The following RBFOX1 variants were observed in gnomAD, a reference collection of about 807,000 sequenced individuals.
RBFOX1 encodes RNA binding protein fox-1 homolog 1.
RBFOX1 carries 8 observed loss-of-function variants against 57.7 expected under a neutral mutation model. The ratio of observed to expected loss-of-function variants is 0.14; its 90% confidence interval spans 0.08 to 0.25. The LOEUF (loss-of-function observed/expected upper bound fraction) is 0.25, where lower values mean the gene tolerates loss of function less well. RBFOX1 is among the 10% of genes least tolerant of loss of function. RBFOX1 has a pLI of 1.00. For missense variants in RBFOX1, 611 were observed against 548.5 expected (o/e 1.11, Z -1.14); for synonymous variants, 326 against 222.4 (o/e 1.47, Z -4.15).
chr16:6,568,406 C>T (rs1444876083), intron 2 of RBFOX1, among the ~76,000 whole-genome samples: 1 of 152,082 alleles, frequency 6.6e-6, no homozygotes, highest in Non-Finnish European at 1.5e-5. Context: ...GGCTCTCTAC[C>T]AAATTGAGTT....
At chr16:5,549,737 T>C (rs1385489248) in intron 2 of RBFOX1, among the ~76,000 whole-genome samples, 3 of 152,166 alleles carry the variant, frequency 2.0e-5, no homozygotes, top group Non-Finnish European at 2.9e-5. Flanking sequence ...GAAATGCATA[T>C]ATAGTAAAAT....
intron 2 of RBFOX1, among the ~76,000 whole-genome samples, chr16:6,538,676 G>C (rs1490143627): frequency 1.3e-5 from 2 of 152,218 alleles, no homozygotes; most frequent in South Asian, 2.1e-4. Context: ...GTAGAAAACG[G>C]TTTGGGAGTT....
chr16:5,643,311 G>C (rs1412686901), intron 3 of RBFOX1, among the ~76,000 whole-genome samples: 1 of 152,078 alleles, frequency 6.6e-6, no homozygotes, highest in Non-Finnish European at 1.5e-5. Context: ...CGTTTTTTTA[G>C]GGTGTGGCTG....
chr16:5,576,029 C>T (rs1007890835), intron 2 of RBFOX1, among the ~76,000 whole-genome samples: 1 of 152,030 alleles, frequency 6.6e-6, no homozygotes. Flanking sequence ...CTCTGTCACC[C>T]AGGCTGGAGT....
chr16:7,035,177 C>A (rs887591244), intron 3 of RBFOX1, among the ~76,000 whole-genome samples: 1 of 151,890 alleles, frequency 6.6e-6, no homozygotes, highest in Non-Finnish European at 1.5e-5. Context: ...AATGAGTTTC[C>A]AGGTGATGCC....
rs76130723 is a variant in RBFOX1 at position 5,759,086 on chromosome 16, A to G, written c.319-108217A>G. Among the ~76,000 whole-genome samples the G allele has an allele frequency of 3.2e-3, 486 of 152,292 alleles. 4 individuals carry two copies. The highest frequency in any genetic ancestry group is 0.017 in the Middle Eastern group (5 of 294). ...TCCATAAAATGGGGAGGCTACTAGT[A>G]TATACTTCTCTGAAGAACATGCTTC... On this transcript the variant is annotated intron_variant, in intron 3 of 19. Coordinates refer to the RBFOX1 transcript ENST00000641259.
At chr16:5,255,084 C>G (rs2062550515) in intron 1 of RBFOX1, among the ~76,000 whole-genome samples, 2 of 152,114 alleles carry the variant, frequency 1.3e-5, no homozygotes, top group African/African-American at 4.8e-5. Flanking sequence ...TTAGTTATAG[C>G]TGTAATTTGC....
At chr16:5,772,690 T>C (rs747958224) in intron 3 of RBFOX1, among the ~76,000 whole-genome samples, 33 of 152,194 alleles carry the variant, frequency 2.2e-4, no homozygotes, top group Admixed American at 5.2e-4. Context: ...AACGATAGTT[T>C]GGACCAAGGA....
intron 2 of RBFOX1, among the ~76,000 whole-genome samples, chr16:6,323,126 G>T (rs1355768773): frequency 6.6e-6 from 1 of 152,158 alleles, no homozygotes; most frequent in Non-Finnish European, 1.5e-5. Flanking sequence ...AGAAAGAGAA[G>T]GCAGAGAGAG....
At chr16:6,482,672 A>C (rs62016770) in intron 2 of RBFOX1, among the ~76,000 whole-genome samples, 21,702 of 152,186 alleles carry the variant, frequency 0.14, 1,832 homozygotes, top group Middle Eastern at 0.2. Flanking sequence ...GAGATCCTAA[A>C]GCTTCGCTCC....
intron 3 of RBFOX1, among the ~76,000 whole-genome samples, chr16:6,863,304 A>G (rs1603633771): frequency 6.6e-6 from 1 of 152,274 alleles, no homozygotes; most frequent in South Asian, 2.1e-4. Flanking sequence ...GATTAGCAGC[A>G]AATGGTCAAG....
intron 2 of RBFOX1, among the ~76,000 whole-genome samples, chr16:5,587,995 G>T (rs961885356): frequency 2.0e-5 from 3 of 152,094 alleles, no homozygotes; most frequent in Non-Finnish European, 4.4e-5. Flanking sequence ...AACAAAGGTG[G>T]TCTCTCTATG....
intron 3 of RBFOX1, among the ~76,000 whole-genome samples, chr16:6,787,247 C>G (rs531838212): frequency 6.6e-5 from 10 of 152,140 alleles, no homozygotes; most frequent in African/African-American, 2.4e-4. Context: ...CTATGCAGTT[C>G]CCTAACTGAT....
intron 1 of RBFOX1, among the ~76,000 whole-genome samples, chr16:5,251,684 C>G (rs1330520235): frequency 6.6e-6 from 1 of 152,022 alleles, no homozygotes; most frequent in Non-Finnish European, 1.5e-5. Flanking sequence ...GCGGGGAATT[C>G]AAATTGAATG....
At position 6,977,046 on chromosome 16, in the gene RBFOX1, A is replaced by G. The variant is rs186296295; in HGVS notation, c.-15-75011A>G. ...ATGTATCATATATATCATATATATC[A>G]TATATCATGTATGAGATATACTTTA... On this transcript the variant is annotated intron_variant, in intron 3 of 15. Transcript: ENST00000550418. 8.2e-3 allele frequency among the ~76,000 whole-genome samples: 1,178 copies of G among 144,210 alleles called. 3 individuals are homozygous for G. Among genetic ancestry groups the G allele is most frequent in the Non-Finnish European group, 1.0e-2 (661 of 66,306 alleles). The allele number at this position is 144,210 out of a possible 152,430, so 94.6% of individuals were successfully genotyped here.
intron 11 of RBFOX1, among the ~76,000 whole-genome samples, chr16:7,646,343 T>C (rs2063734965): frequency 6.6e-6 from 1 of 152,070 alleles, no homozygotes; most frequent in African/African-American, 2.4e-5. Context: ...GGAATGGGAG[T>C]TCCCCCAAGG....
chr16:7,518,349 C>T lies in RBFOX1; in HGVS notation c.230C>T (p.Pro77Leu), dbSNP rs772316128. ...PPAQTHSEQS[P>L]ADTSAQTVSG... Reference sequence around the variant, plus strand: ...GCCCAGACGCACTCCGAGCAGAGCCCGGCGGACACGAGCGCTCAGACCGTC... The same window carrying T: ...GCCCAGACGCACTCCGAGCAGAGCCTGGCGGACACGAGCGCTCAGACCGTC... Residue 77 changes from proline to leucine, a missense_variant, in exon 5 of 16, where the codon CCG becomes CTG. Pro to Leu is a moderately conservative substitution (Grantham distance 98, BLOSUM62 -3). This residue lies in a region of RBFOX1 where 245 missense variants were observed against 159.1 expected (regional missense o/e 1.54). Coordinates refer to ENST00000550418, the MANE Select transcript of RBFOX1 (RefSeq NM_018723.4). The T allele has an allele frequency of 2.2e-5, 35 of 1,613,506 alleles. No individual in the cohort carries two copies. In the Middle Eastern group the frequency reaches 4.9e-4, roughly 23 times the overall value.
chr16:5,706,566 C>G (rs962298681), intron 3 of RBFOX1, among the ~76,000 whole-genome samples: 4 of 152,066 alleles, frequency 2.6e-5, no homozygotes, highest in East Asian at 1.9e-4. Flanking sequence ...AAACTTTGGA[C>G]TAGAAAATGT....
At chr16:7,393,334 C>G (rs138949399) in intron 4 of RBFOX1, among the ~76,000 whole-genome samples, 11 of 152,292 alleles carry the variant, frequency 7.2e-5, no homozygotes, top group African/African-American at 2.4e-4. Flanking sequence ...GCAAGATGCT[C>G]GTCACTTCTT....
Sources: allele counts gnomAD v4.1 joint callset (sites outside exome capture counted in the v4.1 genomes callset), GRCh38; gene constraint gnomAD v4.1.1; regional missense constraint gnomAD v4.1.1; transcripts MANE v1.5; gene names NCBI Gene and HGNC (gene_info 2026-07-23, HGNC 2026-07-21).